The following TSHZ3 variants were observed in gnomAD, a reference collection of about 807,000 sequenced individuals.
The protein encoded by TSHZ3 is teashirt zinc finger homeobox 3, also known as teashirt homolog 3.
A neutral mutation model predicts 64.5 loss-of-function variants in TSHZ3; 10 were observed. The observed-to-expected ratio is 0.16, with a 90% confidence interval of 0.10 to 0.26. The LOEUF (loss-of-function observed/expected upper bound fraction) is 0.26. Ranked by LOEUF, TSHZ3 falls within the 10% of genes least tolerant of loss-of-function variation. The pLI is 1.00. For synonymous variants in TSHZ3, 608 were observed against 593.1 expected, an observed-to-expected ratio of 1.03 and a Z score of -0.36; for missense variants, 1,242 against 1,421.7, an observed-to-expected ratio of 0.87 and a Z score of 2.03.
At position 31,276,773 on chromosome 19, in the gene TSHZ3, G is replaced by C. The variant is rs369287084; in HGVS notation, c.3020C>G (p.Ser1007Cys). The C allele has an allele frequency of 3.5e-5, 56 of 1,613,960 alleles. No individual in the cohort carries two copies. The highest frequency in any genetic ancestry group is 4.7e-5 in the Non-Finnish European group (55 of 1,179,928). Residue 1007 changes from serine (S) to cysteine (C), a missense_variant, in exon 2 of 2, where the codon TCC becomes TGC. Ser to Cys is a moderately radical substitution (Grantham distance 112, BLOSUM62 -1). Around this residue, in one of 4 missense-constraint regions of TSHZ3, gnomAD observed 126 missense variants for 140.6 expected, o/e 0.90. Coordinates refer to ENST00000240587, the MANE Select transcript of TSHZ3 (RefSeq NM_020856.4). Reference protein sequence around the residue: ...SHLGFRLRDLSKLSTEQINSQ... With the variant: ...SHLGFRLRDLCKLSTEQINSQ... ...GTTAATCTGTTCGGTGGACAGTTTG[G>C]ATAAGTCCCGTAGCCGGAAGCCTAA...
chr19:31,273,162 A>T (rs374591190), downstream of TSHZ3, among the ~76,000 whole-genome samples: 17 of 152,178 alleles, frequency 1.1e-4, no homozygotes, highest in African/African-American at 3.9e-4. Flanking sequence ...GTAGGGGGAG[A>T]CCGTAACAAA....
chr19:31,175,095 C>T (rs1157896857), intron 5 of TSHZ3, among the ~76,000 whole-genome samples: 2 of 152,114 alleles, frequency 1.3e-5, no homozygotes, highest in Non-Finnish European at 2.9e-5. Flanking sequence ...CCCTGGAAGG[C>T]CATTTGTCTG....
At chr19:31,205,043 G>C (rs1412501598) in exon 5 of TSHZ3, 1 of 152,218 alleles carries the variant, frequency 6.6e-6, no homozygotes, top group African/African-American at 2.4e-5. Context: ...CAAGTTCTCA[G>C]TAGGGCTGCG....
chr19:31,316,617 A>C (rs1916609309), intron 1 of TSHZ3, among the ~76,000 whole-genome samples: 1 of 152,306 alleles, frequency 6.6e-6, no homozygotes, highest in Non-Finnish European at 1.5e-5. Context: ...TCGTGTACTA[A>C]AATTTTCTGG....
intron 1 of TSHZ3, among the ~76,000 whole-genome samples, chr19:31,246,608 G>A (rs537229530): frequency 6.6e-6 from 1 of 152,074 alleles, no homozygotes. Flanking sequence ...AAGGGACAGA[G>A]GAAGGGAGGA....
At chr19:31,190,514 A>G (rs1007400105) in intron 5 of TSHZ3, among the ~76,000 whole-genome samples, 5 of 152,196 alleles carry the variant, frequency 3.3e-5, no homozygotes, top group African/African-American at 4.8e-5. Context: ...AACAAAGCCT[A>G]AAAACAAATC....
chr19:31,283,272 G>A (rs78653624), intron 1 of TSHZ3, among the ~76,000 whole-genome samples: 5,727 of 152,190 alleles, frequency 0.038, 170 homozygotes, highest in Non-Finnish European at 0.06. Context: ...GGTGGAGGGT[G>A]CAAGTGAGCC....
chr19:31,160,323 A>C (rs894625254), intron 5 of TSHZ3, among the ~76,000 whole-genome samples: 78 of 152,322 alleles, frequency 5.1e-4, no homozygotes, highest in Non-Finnish European at 2.5e-4. Context: ...TGCTGTTCTT[A>C]GACACAACTG....
chr19:31,293,332 C>T (rs1054675197), intron 1 of TSHZ3, among the ~76,000 whole-genome samples: 1 of 152,246 alleles, frequency 6.6e-6, no homozygotes. Context: ...GAGAATCATA[C>T]ATCTGCACAA....
At chr19:31,293,893 G>T (rs1001757329) in intron 1 of TSHZ3, among the ~76,000 whole-genome samples, 2 of 152,162 alleles carry the variant, frequency 1.3e-5, no homozygotes, top group Non-Finnish European at 2.9e-5. Context: ...CAAAGACCAA[G>T]GGTCACTTCA....
At chr19:31,332,161 G>A (rs1310612905) in intron 1 of TSHZ3, among the ~76,000 whole-genome samples, 1 of 152,112 alleles carries the variant, frequency 6.6e-6, no homozygotes, top group African/African-American at 2.4e-5. Context: ...CTGTCAATGA[G>A]GTGGTGTGTT....
At chr19:31,215,824 T>G (rs966598214) in intron 4 of TSHZ3, among the ~76,000 whole-genome samples, 1 of 152,136 alleles carries the variant, frequency 6.6e-6, no homozygotes, top group Non-Finnish European at 1.5e-5. Context: ...TGAGCCGAGA[T>G]CGTGCCCCTG....
At chr19:31,224,281 GAGT>G (rs1390466719) in intron 4 of TSHZ3, among the ~76,000 whole-genome samples, 1 of 152,198 alleles carries the variant, frequency 6.6e-6, no homozygotes, top group African/African-American at 2.4e-5. Context: ...CCTCCCTAGG[GAGT>G]AGAGAGCGGG....
intron 5 of TSHZ3, among the ~76,000 whole-genome samples, chr19:31,182,134 A>G (rs1421708591): frequency 2.0e-5 from 3 of 152,326 alleles, no homozygotes; most frequent in South Asian, 2.1e-4. Context: ...AGGAACTTGG[A>G]GAGTGAGCTC....
rs114364568 is a variant in TSHZ3 at position 31,190,077 on chromosome 19, T to C, written n.809+14879A>G. Among the ~76,000 whole-genome samples, 1,043 of 152,270 alleles carry C rather than the reference T, an allele frequency of 6.8e-3. 15 individuals carry two copies. The highest frequency in any genetic ancestry group is 0.022 in the African/African-American group (915 of 41,552). Reference sequence around the variant, plus strand: ...TAAAGGAAGAGTGTTTTTCTTGAAGTAGCATATAGTTACATTTTGCTCTGT... The same window carrying C: ...TAAAGGAAGAGTGTTTTTCTTGAAGCAGCATATAGTTACATTTTGCTCTGT... On this transcript the variant is annotated intron_variant and non_coding_transcript_variant, in intron 5 of 6. Transcript: ENST00000651361.
Position 31,151,161 on chromosome 19 carries a change from C to T in TSHZ3, n.1455G>A, listed in dbSNP as rs575859647. Among the ~76,000 whole-genome samples the T allele has an allele frequency of 1.3e-4, 20 of 152,248 alleles. 1 individual carries two copies. The highest frequency in any genetic ancestry group is 1.1e-3 in the Admixed American group (17 of 15,292). ...AAGAGGAGAAAAGAGAGGAGGCAGG[C>T]GGACAGGGCCTGCTTGGAGTGCATG... On this transcript the variant is annotated non_coding_transcript_exon_variant, in exon 7 of 7. Coordinates refer to the TSHZ3 transcript ENST00000651361.
At chr19:31,206,627 A>C (rs1975182659) in intron 4 of TSHZ3, among the ~76,000 whole-genome samples, 1 of 152,142 alleles carries the variant, frequency 6.6e-6, no homozygotes, top group Non-Finnish European at 1.5e-5. Context: ...CTGCAGCAAG[A>C]AAATTTCAAG....
intron 1 of TSHZ3, among the ~76,000 whole-genome samples, chr19:31,331,251 T>A (rs1186089020): frequency 6.6e-6 from 1 of 152,146 alleles, no homozygotes; most frequent in Non-Finnish European, 1.5e-5. Flanking sequence ...TCAGGAAACA[T>A]GTCTGTAAAA....
chr19:31,334,466 G>C (rs1917184225), intron 1 of TSHZ3, among the ~76,000 whole-genome samples: 2 of 152,122 alleles, frequency 1.3e-5, no homozygotes, highest in Admixed American at 1.3e-4. Context: ...AATGCACTGA[G>C]GTCTTTTAAG....
Sources: gnomAD v4.1 joint callset for allele counts (sites outside exome capture counted in the v4.1 genomes callset) on GRCh38, gnomAD v4.1.1 for gene constraint, gnomAD v4.1.1 regional missense constraint, MANE v1.5 for transcripts, NCBI Gene and HGNC (gene_info 2026-07-23, HGNC 2026-07-21) for gene names.